Variants in ALDH1L1 observed in about 807,000 individuals in gnomAD.
The protein encoded by ALDH1L1 is aldehyde dehydrogenase 1 family member L1, also known as cytosolic 10-formyltetrahydrofolate dehydrogenase.
In ALDH1L1, 68 loss-of-function variants were observed where a neutral mutation model predicts 101.1. The ratio of observed to expected loss-of-function variants is 0.67; its 90% CI spans 0.55 to 0.82. The LOEUF is 0.82. ALDH1L1 is among the 40% of genes least tolerant of loss of function. ALDH1L1 has a pLI of 0.00. For missense variants in ALDH1L1, 1,087 were observed against 1,172.7 expected, an observed-to-expected ratio of 0.93 and a Z score of 1.07; for synonymous variants, 486 against 470.8, an observed-to-expected ratio of 1.03 and a Z score of -0.42.
intron 7 of ALDH1L1, 191 bp from the exon 8 acceptor site, chr3:126,150,722 A>C: frequency 1.9e-6 from 1 of 538,302 alleles, no homozygotes; most frequent in Non-Finnish European, 3.0e-6. Flanking sequence ...TGCCCGACTA[A>C]TTTTTGTTTG....
At chr3:126,127,181 G>C (rs530282368) in intron 14 of ALDH1L1, among the ~76,000 whole-genome samples, 2 of 152,190 alleles carry the variant, frequency 1.3e-5, no homozygotes, top group African/African-American at 2.4e-5. Flanking sequence ...CACTGGTTAG[G>C]GGAAAGGCCG....
At position 126,131,678 on chromosome 3, in the gene ALDH1L1, T is replaced by C. The variant is rs1251560431; in HGVS notation, c.1473-144A>G. The C allele has an allele frequency of 4.5e-6, 4 of 892,948 alleles. No homozygotes were observed. In the African/African-American group the frequency reaches 5.1e-5, roughly 11 times the overall value. The allele number at this position is 892,948 out of a possible 1,614,324, so 55.3% of individuals were successfully genotyped here. A position where few individuals can be genotyped will look rare whatever the true frequency, so the allele number is the denominator to read the frequency against. ...CAGATGTGCGGACCTCCGTTTCTGA[T>C]CCATGCAATGGGCCAGCACCGTTTA... On this transcript the variant is annotated intron_variant, in intron 12 of 22. Coordinates refer to ENST00000393434, the MANE Select transcript of ALDH1L1 (RefSeq NM_012190.4).
At chr3:126,161,526 G>T (rs922683540) in intron 1 of ALDH1L1, among the ~76,000 whole-genome samples, 1 of 152,206 alleles carries the variant, frequency 6.6e-6, no homozygotes, top group Non-Finnish European at 1.5e-5. Flanking sequence ...AGGGGCCTGC[G>T]TGGGGGCGCC....
At chr3:126,154,417 TA>T in intron 6 of ALDH1L1, 136 bp downstream of exon 6, 10 of 852,830 alleles carry the variant, frequency 1.2e-5, no homozygotes, top group Non-Finnish European at 1.9e-5. Context: ...CTGGGATGTT[TA>T]GGGGGCACCC....
intron 10 of ALDH1L1, among the ~76,000 whole-genome samples, 181 bp from the exon 11 acceptor site, chr3:126,137,064 G>A (rs1283074426): frequency 6.6e-6 from 1 of 152,156 alleles, no homozygotes; most frequent in Admixed American, 6.5e-5. Context: ...GCTGCCTGGC[G>A]GGAGCTCTGC....
chr3:126,130,188 C>T (rs873696), intron 14 of ALDH1L1, 35 bp downstream of exon 14: 993,622 of 1,569,408 alleles, frequency 0.63, 317,183 homozygotes, highest in Middle Eastern at 0.69. Flanking sequence ...TGGAAAGCAC[C>T]GCGAGGCTGC....
chr3:126,183,234 G>A (rs1024794794), upstream of ALDH1L1, among the ~76,000 whole-genome samples: 5 of 152,202 alleles, frequency 3.3e-5, no homozygotes, highest in Admixed American at 6.5e-5. Flanking sequence ...AGAGAGAGAA[G>A]GGCTTTTCTC....
chr3:126,153,249 G>T (rs765754496), intron 7 of ALDH1L1, 195 bp downstream of exon 7: 346 of 782,948 alleles, frequency 4.4e-4, no homozygotes, highest in Non-Finnish European at 6.6e-4. Context: ...ACAGAGAAGT[G>T]GGTAAACTGC....
intron 8 of ALDH1L1, among the ~76,000 whole-genome samples, chr3:126,147,315 G>T (rs1012373284): frequency 1.3e-5 from 2 of 152,224 alleles, no homozygotes; most frequent in African/African-American, 4.8e-5. Context: ...TAGCGCCCAG[G>T]TTCTGGTGTC....
chr3:126,172,634 A>AAAAG (rs911671722), intron 1 of ALDH1L1, among the ~76,000 whole-genome samples: 10 of 152,204 alleles, frequency 6.6e-5, no homozygotes, highest in Admixed American at 3.9e-4. Flanking sequence ...AGATGGAATA[A>AAAAG]AAAGAAAGAA....
At chr3:126,164,050 G>A (rs2081114181) in intron 1 of ALDH1L1, among the ~76,000 whole-genome samples, 1 of 152,002 alleles carries the variant, frequency 6.6e-6, no homozygotes, top group South Asian at 2.1e-4. Flanking sequence ...AGAATCACTT[G>A]AGTCTGGGAG....
chr3:126,105,449 A>G (rs1401489212), intron 22 of ALDH1L1: 5 of 466,878 alleles, frequency 1.1e-5, no homozygotes, highest in Non-Finnish European at 2.0e-5. Context: ...TCTGGGTAGC[A>G]CAGGTGCCAC....
chr3:126,103,708 G>C lies in ALDH1L1; in HGVS notation c.*83C>G. On this transcript the variant is annotated 3_prime_UTR_variant, in exon 23 of 23. Transcript: ENST00000393434. ...GCTTCCACTAGCCCCCCAGGTGGGA[G>C]GTGCTGTGCACCCAGGCTCAAGAGG... 2 of 1,455,366 alleles carry C rather than the reference G, an allele frequency of 1.4e-6. No individual in the cohort carries two copies. Among genetic ancestry groups the C allele is most frequent in the South Asian group, 2.4e-5 (2 of 83,820 alleles). 90.2% of individuals were successfully genotyped at this position (1,455,366 alleles called of 1,614,324 possible).
chr3:126,182,936 A>G (rs1460411385), upstream of ALDH1L1, among the ~76,000 whole-genome samples: 2 of 152,192 alleles, frequency 1.3e-5, no homozygotes, highest in African/African-American at 4.8e-5. Context: ...AAGGGACATA[A>G]GCCAAAGGAA....
At chr3:126,187,782 A>G (rs906243663) in intron 1 of ALDH1L1, among the ~76,000 whole-genome samples, 2 of 152,138 alleles carry the variant, frequency 1.3e-5, no homozygotes, top group African/African-American at 4.8e-5. Context: ...TTTAAGACCA[A>G]TGAGAGGGTC....
chr3:126,103,605 C>T lies in ALDH1L1; in HGVS notation c.*186G>A. On this transcript the variant is annotated 3_prime_UTR_variant, in exon 23 of 23. Coordinates refer to ENST00000393434, the MANE Select transcript of ALDH1L1 (RefSeq NM_012190.4). ...GAAGCTTTATTCTCCCTGGGAGGGG[C>T]ACACCTCACCCAGCCAAGGGCTGCT... The T allele has an allele frequency of 1.6e-6, 1 of 621,792 alleles. No homozygotes were observed. The highest frequency in any genetic ancestry group is 2.8e-6 in the Non-Finnish European group (1 of 353,438). 38.5% of individuals were successfully genotyped at this position (621,792 alleles called of 1,614,324 possible). A position where few individuals can be genotyped will look rare whatever the true frequency, so the allele number is the denominator to read the frequency against.
intron 1 of ALDH1L1, among the ~76,000 whole-genome samples, chr3:126,173,501 C>T (rs1350534629): frequency 1.3e-5 from 2 of 151,948 alleles, no homozygotes; most frequent in Admixed American, 6.6e-5. Flanking sequence ...ATATAAAATG[C>T]TCAGTTAAGA....
chr3:126,153,543 G>A lies in ALDH1L1; in HGVS notation c.759C>T (p.Gly253=), dbSNP rs200308741. ...GCAAAGCGTCTCCCTCGGGCACCAG[G>A]CCTGAAGTGTTCAGCGTTGAGTTGA... ...TFFNSTLNTS[G]LVPEGDALPI... The change falls in exon 7 of 23, where the codon GGC becomes GGT. Residue 253 remains glycine (G), a synonymous_variant. Transcript: ENST00000393434. 1 of 1,614,154 alleles carries A rather than the reference G, an allele frequency of 6.2e-7. No homozygotes were observed. The highest frequency in any genetic ancestry group is 2.2e-5 in the East Asian group (1 of 44,882).
rs547449005 is a variant in ALDH1L1 at position 126,161,747 on chromosome 3, A to C, written c.-23-745T>G. Among the ~76,000 whole-genome samples, 27 of 152,294 alleles carry C rather than the reference A, an allele frequency of 1.8e-4. 1 individual carries two copies. The highest frequency in any genetic ancestry group is 5.8e-4 in the African/African-American group (24 of 41,574). On this transcript the variant is annotated intron_variant, in intron 1 of 22. Coordinates refer to ENST00000393434, the MANE Select transcript of ALDH1L1 (RefSeq NM_012190.4). ...TATTTTGGAAAATTTTATTAAAGTA[A>C]TGTGTACTTCATACATACAGAAAGT...
Sources: allele counts gnomAD v4.1 joint callset (sites outside exome capture counted in the v4.1 genomes callset), GRCh38; gene constraint gnomAD v4.1.1; transcripts MANE v1.5; gene names NCBI Gene and HGNC (gene_info 2026-07-23, HGNC 2026-07-21).